KCNK1: variants seen among roughly 807,000 people sequenced by gnomAD.
The protein encoded by KCNK1 is potassium channel subfamily K member 1.
Under a neutral mutation model 22.2 loss-of-function variants are expected in KCNK1, and 10 were observed. That is an observed-to-expected ratio of 0.45 (90% CI 0.28 to 0.76). The LOEUF (loss-of-function observed/expected upper bound fraction) is 0.76. KCNK1 is among the 30% of genes least tolerant of loss of function. The pLI, the probability that KCNK1 is intolerant of heterozygous loss-of-function variation, is 0.14. For synonymous variants in KCNK1, 200 were observed against 186.4 expected (o/e 1.07, Z -0.60); for missense variants, 378 against 421.0 (o/e 0.90, Z 0.89).
chr1:233,622,282 C>T (rs1057197386), intron 1 of KCNK1, among the ~76,000 whole-genome samples: 4 of 152,214 alleles, frequency 2.6e-5, no homozygotes, highest in African/African-American at 9.6e-5. Context: ...TCATCTGCCT[C>T]ATATACTCTG....
At chr1:233,667,810 A>G (rs1011215558) in intron 2 of KCNK1, among the ~76,000 whole-genome samples, 1 of 151,740 alleles carries the variant, frequency 6.6e-6, no homozygotes, top group Non-Finnish European at 1.5e-5. Context: ...AGATTGCTCT[A>G]CTTTATTAAA....
chr1:233,667,117 C>T (rs1658505584), intron 2 of KCNK1, 127 bp downstream of exon 2: 1 of 653,622 alleles, frequency 1.5e-6, no homozygotes, highest in Non-Finnish European at 2.2e-6. Context: ...GATCTTGGCT[C>T]ACTGCAACCT....
intron 1 of KCNK1, among the ~76,000 whole-genome samples, chr1:233,632,351 C>T (rs545914557): frequency 6.6e-6 from 1 of 152,228 alleles, no homozygotes; most frequent in African/African-American, 2.4e-5. Context: ...ATGCAAGCAA[C>T]CAAATTACTG....
In KCNK1 at chr1:233,634,262, C is replaced by T. The variant is rs536055835; in HGVS notation, c.355+19736C>T. 7.6e-3 allele frequency among the ~76,000 whole-genome samples: 1,139 copies of T among 150,344 alleles called. 8 individuals carry two copies. The highest frequency in any genetic ancestry group is 0.011 in the Non-Finnish European group (760 of 67,776). ...CGGAGGTTGAAGTGAACTGAGATCTCGCCACTGCACTCCAGCCTGGGTAAC... is the reference window on the plus strand; with the variant it reads ...CGGAGGTTGAAGTGAACTGAGATCTTGCCACTGCACTCCAGCCTGGGTAAC... On this transcript the variant is annotated intron_variant, in intron 1 of 2. Coordinates refer to ENST00000366621, the MANE Select transcript of KCNK1 (RefSeq NM_002245.4).
rs1323804485 is a variant in KCNK1, at chr1:233,668,840, C to T, written c.751+1850C>T. On this transcript the variant is annotated intron_variant, in intron 2 of 2. Coordinates refer to ENST00000366621, the MANE Select transcript of KCNK1 (RefSeq NM_002245.4). ...CAGGCTAGTCACGAACTCCTGACTTCGTGATCTGCCCGCCTCAGCCTACCA... is the reference window on the plus strand; with the variant it reads ...CAGGCTAGTCACGAACTCCTGACTTTGTGATCTGCCCGCCTCAGCCTACCA... Among the ~76,000 whole-genome samples the T allele has an allele frequency of 2.0e-5, 3 of 152,274 alleles. No individual in the cohort carries two copies. The East Asian group carries it at 5.8e-4, about 29-fold the overall frequency.
chr1:233,622,849 T>C (rs748048268), intron 1 of KCNK1, among the ~76,000 whole-genome samples: 4 of 152,352 alleles, frequency 2.6e-5, no homozygotes, highest in Non-Finnish European at 4.4e-5. Flanking sequence ...GGAGTGTTTT[T>C]AATTTGCTAC....
chr1:233,665,424 A>C (rs984635883), intron 1 of KCNK1, among the ~76,000 whole-genome samples: 11 of 152,262 alleles, frequency 7.2e-5, no homozygotes, highest in African/African-American at 2.7e-4. Context: ...CTCGGTAGTC[A>C]GAGCTGCAGG....
At chr1:233,654,356 G>T (rs974074937) in intron 1 of KCNK1, among the ~76,000 whole-genome samples, 4 of 152,056 alleles carry the variant, frequency 2.6e-5, no homozygotes, top group African/African-American at 9.7e-5. Context: ...TAAAGTAAAA[G>T]AAAACAAATT....
chr1:233,632,636 A>C (rs1429913787), intron 1 of KCNK1, among the ~76,000 whole-genome samples: 1 of 152,122 alleles, frequency 6.6e-6, no homozygotes, highest in African/African-American at 2.4e-5. Flanking sequence ...CGGTGACCAC[A>C]TAGTGTGTGC....
intron 1 of KCNK1, among the ~76,000 whole-genome samples, chr1:233,631,892 G>C (rs944465582): frequency 6.6e-6 from 1 of 152,110 alleles, no homozygotes; most frequent in African/African-American, 2.4e-5. Flanking sequence ...GTCCCTGATT[G>C]AGACTGTCTT....
At chr1:233,625,034 G>A (rs1274336963) in intron 1 of KCNK1, among the ~76,000 whole-genome samples, 1 of 152,164 alleles carries the variant, frequency 6.6e-6, no homozygotes, top group Non-Finnish European at 1.5e-5. Flanking sequence ...AGATTAATAG[G>A]AGAAAAGGCA....
chr1:233,627,701 C>T (rs1435703355), intron 1 of KCNK1, among the ~76,000 whole-genome samples: 1 of 152,210 alleles, frequency 6.6e-6, no homozygotes, highest in Non-Finnish European at 1.5e-5. Flanking sequence ...CACAATCTGT[C>T]ATCCACTGCT....
chr1:233,626,105 G>A (rs1443353838), intron 1 of KCNK1, among the ~76,000 whole-genome samples: 1 of 151,268 alleles, frequency 6.6e-6, no homozygotes, highest in East Asian at 2.0e-4. Flanking sequence ...CTCTTCTGAT[G>A]ACCCAGGGGG....
At chr1:233,668,009 G>T (rs961664009) in intron 2 of KCNK1, among the ~76,000 whole-genome samples, 1 of 152,172 alleles carries the variant, frequency 6.6e-6, no homozygotes, top group Non-Finnish European at 1.5e-5. Flanking sequence ...TTCAAATTCA[G>T]ATGGTCAGGG....
intron 1 of KCNK1, among the ~76,000 whole-genome samples, chr1:233,642,556 G>A (rs1372626177): frequency 1.3e-5 from 2 of 152,152 alleles, no homozygotes; most frequent in Non-Finnish European, 2.9e-5. Context: ...CTCTGATGCA[G>A]GCGCAGGCAA....
chr1:233,615,159 G>A (rs1053597409), intron 1 of KCNK1, among the ~76,000 whole-genome samples: 5 of 152,246 alleles, frequency 3.3e-5, no homozygotes, highest in African/African-American at 1.2e-4. Flanking sequence ...TGGGCGGACA[G>A]GCCGATCCGG....
Position 233,631,126 on chromosome 1 carries a change from C to G in KCNK1, c.355+16600C>G, listed in dbSNP as rs1024485474. 1.5e-5 allele frequency: 6 copies of G among 403,082 alleles called. No homozygotes were observed. The Admixed American group carries it at 1.6e-4, about 11-fold the overall frequency. 25.0% of individuals were successfully genotyped at this position (403,082 alleles called of 1,614,324 possible). On this transcript the variant is annotated intron_variant, in intron 1 of 2. Transcript: ENST00000366621. Reference sequence around the variant, plus strand: ...TTACATGTTCTGACAAGGAAAAGACCGTGCCTCATCTCTGGCTCTCAGAAT... The same window carrying G: ...TTACATGTTCTGACAAGGAAAAGACGGTGCCTCATCTCTGGCTCTCAGAAT...
chr1:233,657,661 C>T (rs577759790), intron 1 of KCNK1, among the ~76,000 whole-genome samples: 17 of 140,344 alleles, frequency 1.2e-4, no homozygotes, highest in South Asian at 7.0e-4. Context: ...AAAGGAAAGA[C>T]GAAAGAAAAG....
At chr1:233,669,703 T>C (rs1414462256) in intron 2 of KCNK1, among the ~76,000 whole-genome samples, 1 of 152,004 alleles carries the variant, frequency 6.6e-6, no homozygotes, top group Non-Finnish European at 1.5e-5. Context: ...AAAAATTAGC[T>C]GAAAATCACT....
Sources: gnomAD v4.1 joint callset for allele counts (sites outside exome capture counted in the v4.1 genomes callset) on GRCh38, gnomAD v4.1.1 for gene constraint, MANE v1.5 for transcripts, NCBI Gene and HGNC (gene_info 2026-07-23, HGNC 2026-07-21) for gene names.